Variants in RARB observed in about 807,000 individuals in gnomAD.
RARB encodes the protein retinoic acid receptor beta, also known as HBV-activated protein.
Under a neutral mutation model 51.9 loss-of-function variants are expected in RARB, and 17 were observed. That is an observed-to-expected ratio of 0.33 (90% CI 0.22 to 0.49). RARB has a LOEUF of 0.49. Among genes scored for constraint, RARB ranks in the 20% least tolerant of loss-of-function variants. RARB has a pLI of 0.99. For synonymous variants in RARB, 215 were observed against 195.4 expected (o/e 1.10, Z -0.84); for missense variants, 369 against 550.8 (o/e 0.67, Z 3.30).
At chr3:25,355,569 T>C (rs1705708163) in intron 5 of RARB, among the ~76,000 whole-genome samples, 1 of 151,998 alleles carries the variant, frequency 6.6e-6, no homozygotes. Context: ...CCACTGAGCC[T>C]GATTTAACCT....
At chr3:25,138,010 T>C (rs143653911) in intron 4 of RARB, among the ~76,000 whole-genome samples, 185 of 152,190 alleles carry the variant, frequency 1.2e-3, no homozygotes, top group Middle Eastern at 3.4e-3. Flanking sequence ...GAGATCTCAT[T>C]CAGGAAAGGC....
At chr3:25,265,579 C>T (rs1370489673) in intron 5 of RARB, among the ~76,000 whole-genome samples, 4 of 152,074 alleles carry the variant, frequency 2.6e-5, no homozygotes. Flanking sequence ...CTCAAGTAAT[C>T]CTCCCACTTC....
chr3:25,374,907 A>G (rs569315003), intron 5 of RARB, among the ~76,000 whole-genome samples: 1 of 152,318 alleles, frequency 6.6e-6, no homozygotes, highest in East Asian at 1.9e-4. Context: ...AGAAAACACC[A>G]CAGAGAAGAC....
intron 2 of RARB, among the ~76,000 whole-genome samples, chr3:24,988,737 G>C (rs1696847782): frequency 6.6e-6 from 1 of 152,138 alleles, no homozygotes. Flanking sequence ...TAATTCATCA[G>C]ATTACCTTAT....
At chr3:25,235,530 G>C (rs1484854348) in intron 5 of RARB, among the ~76,000 whole-genome samples, 2 of 152,152 alleles carry the variant, frequency 1.3e-5, no homozygotes, top group East Asian at 3.9e-4. Flanking sequence ...CATTATGGTT[G>C]AATTTCAACT....
intron 5 of RARB, among the ~76,000 whole-genome samples, chr3:25,256,820 A>T (rs763890871): frequency 1.3e-5 from 2 of 151,938 alleles, no homozygotes; most frequent in Non-Finnish European, 2.9e-5. Flanking sequence ...AAAAAATAAG[A>T]ATATCCAAGA....
upstream of RARB, among the ~76,000 whole-genome samples, chr3:25,424,970 C>T (rs1044751364): frequency 6.6e-6 from 1 of 152,136 alleles, no homozygotes; most frequent in Non-Finnish European, 1.5e-5. Context: ...GTCACACTGA[C>T]AAATATACAG....
At chr3:25,438,292 C>T (rs1575403120) in intron 1 of RARB, among the ~76,000 whole-genome samples, 1 of 152,094 alleles carries the variant, frequency 6.6e-6, no homozygotes, top group East Asian at 1.9e-4. Flanking sequence ...CAGTCGCTTT[C>T]ACTATATTCT....
chr3:25,389,276 G>C (rs1039091063), intron 5 of RARB, among the ~76,000 whole-genome samples: 23 of 152,198 alleles, frequency 1.5e-4, no homozygotes, highest in Admixed American at 7.2e-4. Flanking sequence ...GGATTATTCT[G>C]CTGCTTCTTT....
intron 2 of RARB, among the ~76,000 whole-genome samples, chr3:25,480,592 A>G (rs1696177487): frequency 6.6e-6 from 1 of 152,228 alleles, no homozygotes; most frequent in Admixed American, 6.5e-5. Flanking sequence ...ATATAATTCT[A>G]AAGGTGAGAG....
Position 24,998,825 on chromosome 3 carries a change from CTTGG to C in RARB, c.-379-61294_-379-61291del, listed in dbSNP as rs1697098515. On this transcript the variant is annotated intron_variant, in intron 2 of 11. Transcript: ENST00000383772. ...GTAGATATTGTAATAGTGTTTCAAA[CTTGG>C]TTGGTGCCAATTTTATAACATATTC... is the stretch of plus-strand genomic sequence containing the variant. 4.9e-5 allele frequency among the ~76,000 whole-genome samples: 6 copies of C among 122,756 alleles called. No individual in the cohort carries two copies. The South Asian group carries it at 1.6e-3, about 34-fold the overall frequency. The allele number at this position is 122,756 out of a possible 152,430, so 80.5% of individuals were successfully genotyped here.
At chr3:25,061,063 A>G (rs1698538667) in intron 3 of RARB, among the ~76,000 whole-genome samples, 1 of 151,868 alleles carries the variant, frequency 6.6e-6, no homozygotes, top group Non-Finnish European at 1.5e-5. Context: ...TGTAGACATA[A>G]CTATTACCAG....
chr3:25,174,539 C>G, exon 5 of RARB: 2 of 1,352,152 alleles, frequency 1.5e-6, no homozygotes, highest in Non-Finnish European at 2.0e-6. Flanking sequence ...TCATGGACAT[C>G]CGCCTCCGAG....
intron 5 of RARB, among the ~76,000 whole-genome samples, chr3:25,291,476 C>CT (rs199605013): frequency 0.053 from 6,660 of 125,292 alleles, 224 homozygotes; most frequent in Middle Eastern, 0.059. Context: ...CAGATGTTTG[C>CT]TTTTTTTTTT....
At chr3:25,173,606 T>C (rs1700683838) in intron 4 of RARB, among the ~76,000 whole-genome samples, 1 of 152,162 alleles carries the variant, frequency 6.6e-6, no homozygotes, top group Non-Finnish European at 1.5e-5. Context: ...AGAAGTAAAA[T>C]TTGGAAGCAT....
intron 5 of RARB, among the ~76,000 whole-genome samples, chr3:25,269,434 C>A (rs1703200740): frequency 6.6e-6 from 1 of 152,130 alleles, no homozygotes; most frequent in African/African-American, 2.4e-5. Context: ...GGTTCAAATC[C>A]CACTTCTTCC....
At chr3:25,347,181 G>T (rs1362431311) in intron 5 of RARB, among the ~76,000 whole-genome samples, 1 of 152,200 alleles carries the variant, frequency 6.6e-6, no homozygotes. Flanking sequence ...GAACAATTAG[G>T]TATATCTAGA....
chr3:25,592,960 C>A (rs558323571), intron 5 of RARB, among the ~76,000 whole-genome samples: 1 of 152,288 alleles, frequency 6.6e-6, no homozygotes, highest in East Asian at 1.9e-4. Context: ...GATTCAGTTA[C>A]ATGTTAACTA....
At chr3:25,200,560 G>A (rs1701363659) in intron 5 of RARB, among the ~76,000 whole-genome samples, 1 of 152,080 alleles carries the variant, frequency 6.6e-6, no homozygotes, top group Admixed American at 6.6e-5. Context: ...TTCTTCTAGG[G>A]TTTTTATGGT....
Sources: gnomAD v4.1 joint callset for allele counts (sites outside exome capture counted in the v4.1 genomes callset) on GRCh38, gnomAD v4.1.1 for gene constraint, MANE v1.5 for transcripts, NCBI Gene and HGNC (gene_info 2026-07-23, HGNC 2026-07-21) for gene names.